The following BCO2 variants were observed in gnomAD, a reference collection of about 807,000 sequenced individuals.
BCO2 encodes carotenoid-cleaving dioxygenase, mitochondrial.
Under a neutral mutation model 65.8 loss-of-function variants are expected in BCO2, and 56 were observed. The observed-to-expected ratio is 0.85, with a 90% confidence interval of 0.69 to 1.06. BCO2 has a LOEUF of 1.06. Among genes scored for constraint, BCO2 ranks in the 50% least tolerant of loss-of-function variants. The pLI is 0.00. For missense variants in BCO2, 675 were observed against 698.5 expected (o/e 0.97, Z 0.38); for synonymous variants, 233 against 242.3 (o/e 0.96, Z 0.36).
At chr11:112,216,035 C>A in intron 10 of BCO2, 185 bp from the exon 11 acceptor site, 1 of 587,810 alleles carries the variant, frequency 1.7e-6, no homozygotes, top group East Asian at 2.9e-5. Context: ...GACTGGCCCC[C>A]ATCACCCAGC....
At chr11:112,195,403 G>A (rs1867541907) in intron 5 of BCO2, among the ~76,000 whole-genome samples, 1 of 152,166 alleles carries the variant, frequency 6.6e-6, no homozygotes. Context: ...AAAGTGCTGG[G>A]ATTACAGGCG....
intron 2 of BCO2, among the ~76,000 whole-genome samples, chr11:112,192,321 C>T (rs1867413778): frequency 1.3e-5 from 2 of 152,072 alleles, no homozygotes; most frequent in African/African-American, 4.8e-5. Flanking sequence ...CAAAATTTCC[C>T]CTCTTACCTC....
At chr11:112,211,676 GA>G (rs1307301808) in intron 8 of BCO2, among the ~76,000 whole-genome samples, 4 of 152,140 alleles carry the variant, frequency 2.6e-5, no homozygotes, top group African/African-American at 9.7e-5. Context: ...GGTGTGAAGT[GA>G]TATCTCATTG....
intron 8 of BCO2, among the ~76,000 whole-genome samples, chr11:112,212,868 T>A (rs1451970939): frequency 1.3e-5 from 2 of 152,180 alleles, no homozygotes; most frequent in Non-Finnish European, 2.9e-5. Flanking sequence ...CAGAGTCACT[T>A]AAGGACTGGC....
At position 112,194,743 on chromosome 11, in the gene BCO2, T is replaced by G. The variant is rs750897339; in HGVS notation, c.724T>G (p.Phe242Val). 1.9e-6 allele frequency: 3 copies of G among 1,600,138 alleles called. No individual in the cohort carries two copies. In the South Asian group the frequency reaches 3.3e-5, roughly 18 times the overall value. The change falls in exon 5 of 12, where the codon TTT (phenylalanine) becomes GTT (valine). Residue 242 changes from phenylalanine to valine, a missense_variant. Coordinates refer to ENST00000357685, the MANE Select transcript of BCO2 (RefSeq NM_031938.7). ...AACAGCATACAATATGGGGAACTCC[T>G]TTGGGCCATATGGTAAAGTTGCAAT... ...DGTAYNMGNS[F>V]GPYGFSYKVI... is the part of the protein sequence containing the mutation.
intron 10 of BCO2, 94 bp downstream of exon 10, chr11:112,215,038 C>T: frequency 8.0e-7 from 1 of 1,250,550 alleles, no homozygotes; most frequent in Non-Finnish European, 1.2e-6. Flanking sequence ...TAAGATTCTT[C>T]AGTATTTAAG....
Position 112,194,746 on chromosome 11 carries a change from G to A in BCO2, c.727G>A (p.Gly243Arg), listed in dbSNP as rs780508988. 3.8e-6 allele frequency: 6 copies of A among 1,594,030 alleles called. No homozygotes were observed. The East Asian group carries it at 1.1e-4, about 30-fold the overall frequency. ...AGCATACAATATGGGGAACTCCTTT[G>A]GGCCATATGGTAAAGTTGCAATAAA... ...GTAYNMGNSF[G>R]PYGFSYKVIR... Residue 243 changes from glycine (G) to arginine (R), a missense_variant, in exon 5 of 12, where the codon GGG becomes AGG. Gly to Arg is a moderately radical substitution (Grantham distance 125, BLOSUM62 -2). Coordinates refer to ENST00000357685, the MANE Select transcript of BCO2 (RefSeq NM_031938.7).
intron 2 of BCO2, chr11:112,183,147 G>T (rs1867103078): frequency 5.6e-6 from 7 of 1,252,114 alleles, no homozygotes; most frequent in Non-Finnish European, 7.0e-6. Context: ...AGCTATATTT[G>T]AAGAGATGCT....
chr11:112,198,035 G>A (rs11214128), intron 5 of BCO2, among the ~76,000 whole-genome samples: 34,786 of 152,132 alleles, frequency 0.23, 4,099 homozygotes, highest in Middle Eastern at 0.27. Flanking sequence ...GCAAACAGTA[G>A]CCCCTACTCC....
chr11:112,193,962 G>A lies in BCO2; in HGVS notation c.601G>A (p.Val201Met), dbSNP rs756152604. ...CACTGAGACCAACTTTATGAATAAA[G>A]TGGACATTGAAACTCTGGAAAAAAC... is the stretch of plus-strand genomic sequence containing the variant. Reference protein sequence around the residue: ...LCTETNFMNKVDIETLEKTEK... With the variant: ...LCTETNFMNKMDIETLEKTEK... Residue 201 changes from valine to methionine, a missense_variant, in exon 4 of 12, where the codon GTG becomes ATG. Physicochemically the swap from Val to Met is conservative, Grantham distance 21 (BLOSUM62 1). Transcript: ENST00000357685. 1 of 1,608,724 alleles carries A rather than the reference G, an allele frequency of 6.2e-7. No homozygotes were observed. The highest frequency in any genetic ancestry group is 8.5e-7 in the Non-Finnish European group (1 of 1,175,176).
At position 112,186,038 on chromosome 11, in the gene BCO2, T is replaced by C. The variant is rs117078069; in HGVS notation, c.293+6556T>C. 7.1e-3 allele frequency among the ~76,000 whole-genome samples: 1,083 copies of C among 152,290 alleles called. 33 individuals carry two copies. Among genetic ancestry groups the C allele is most frequent in the Admixed American group, 0.033 (501 of 15,304 alleles). ...GATCATGGTCCTTCTGTGCCTCTCATGGTCTGTTGTTGGAAACAGACCAAG... is the reference window on the plus strand; with the variant it reads ...GATCATGGTCCTTCTGTGCCTCTCACGGTCTGTTGTTGGAAACAGACCAAG... On this transcript the variant is annotated intron_variant, in intron 2 of 11. Coordinates refer to ENST00000357685, the MANE Select transcript of BCO2 (RefSeq NM_031938.7).
chr11:112,178,397 A>C (rs1298279768), intron 1 of BCO2, among the ~76,000 whole-genome samples: 1 of 152,224 alleles, frequency 6.6e-6, no homozygotes, highest in East Asian at 1.9e-4. Flanking sequence ...TGGGATAGTA[A>C]CAACTTGCTA....
chr11:112,190,031 A>G (rs1360372963), intron 2 of BCO2, among the ~76,000 whole-genome samples: 1 of 152,212 alleles, frequency 6.6e-6, no homozygotes, highest in Non-Finnish European at 1.5e-5. Flanking sequence ...GACACCTGTA[A>G]TCCCAGCACT....
chr11:112,178,686 A>G (rs1866948751), intron 1 of BCO2, among the ~76,000 whole-genome samples: 1 of 152,240 alleles, frequency 6.6e-6, no homozygotes, highest in African/African-American at 2.4e-5. Context: ...CAGACTGGAT[A>G]TCACTGCATA....
chr11:112,209,169 T>C (rs1307506513), intron 8 of BCO2, among the ~76,000 whole-genome samples: 1 of 152,146 alleles, frequency 6.6e-6, no homozygotes, highest in African/African-American at 2.4e-5. Flanking sequence ...TTTTGAAAAA[T>C]GCATAATGTC....
intron 2 of BCO2, among the ~76,000 whole-genome samples, chr11:112,192,396 G>A (rs1284036728): frequency 6.6e-6 from 1 of 152,058 alleles, no homozygotes; most frequent in African/African-American, 2.4e-5. Context: ...TAATCAATGT[G>A]TTAAGCATAT....
At chr11:112,198,900 T>C (rs920607209) in intron 5 of BCO2, among the ~76,000 whole-genome samples, 4 of 151,588 alleles carry the variant, frequency 2.6e-5, no homozygotes, top group African/African-American at 4.9e-5. Flanking sequence ...CTCTATGACC[T>C]GTCTATTCAC....
chr11:112,198,379 C>G (rs2135376978), intron 5 of BCO2, among the ~76,000 whole-genome samples: 1 of 152,088 alleles, frequency 6.6e-6, no homozygotes, highest in East Asian at 1.9e-4. Context: ...GTCTATTTTG[C>G]ATATTTCTGT....
At chr11:112,176,830 A>G (rs552995030) in intron 1 of BCO2, among the ~76,000 whole-genome samples, 85 of 152,334 alleles carry the variant, frequency 5.6e-4, no homozygotes, top group African/African-American at 1.9e-3. Context: ...TAACTTGCCC[A>G]AGGTTGTCAG....
Sources: allele counts gnomAD v4.1 joint callset (sites outside exome capture counted in the v4.1 genomes callset), GRCh38; gene constraint gnomAD v4.1.1; transcripts MANE v1.5; gene names NCBI Gene and HGNC (gene_info 2026-07-23, HGNC 2026-07-21).